EPHA7: variants seen among roughly 807,000 people sequenced by gnomAD.
EPHA7 encodes the protein ephrin type-A receptor 7.
A neutral mutation model predicts 112.6 loss-of-function variants in EPHA7; 25 were observed. That is an observed-to-expected ratio of 0.22 (90% CI 0.16 to 0.31). EPHA7 has a LOEUF of 0.31. Among genes scored for constraint, EPHA7 ranks in the 10% least tolerant of loss-of-function variants. The pLI, the probability that EPHA7 is intolerant of heterozygous loss-of-function variation, is 1.00. For missense variants in EPHA7, 962 were observed against 1,212.6 expected, an observed-to-expected ratio of 0.79 and a Z score of 3.07; for synonymous variants, 437 against 406.5, an observed-to-expected ratio of 1.07 and a Z score of -0.90.
rs1285704564 is a variant in EPHA7, at chr6:93,240,291, A to G, written c.*3135T>C. ...ATCAGTAATTTATTTGAACATGCACATCAGTGAGTAGCATAGTTCTAGGCT... is the reference window on the plus strand; with the variant it reads ...ATCAGTAATTTATTTGAACATGCACGTCAGTGAGTAGCATAGTTCTAGGCT... On this transcript the variant is annotated 3_prime_UTR_variant, in exon 17 of 17. Coordinates refer to ENST00000369303, the MANE Select transcript of EPHA7 (RefSeq NM_004440.4). The G allele has an allele frequency of 8.8e-6, 2 of 226,634 alleles. No individual in the cohort carries two copies. The highest frequency in any genetic ancestry group is 1.1e-4 in the Admixed American group (2 of 17,532). The allele number at this position is 226,634 out of a possible 1,614,324, so 14.0% of individuals were successfully genotyped here.
rs186595287 is a variant in EPHA7 at position 93,312,585 on chromosome 6, C to T, written c.1325-40163G>A. 1.4e-3 allele frequency among the ~76,000 whole-genome samples: 211 copies of T among 152,252 alleles called. 1 individual carries two copies. The highest frequency in any genetic ancestry group is 4.7e-3 in the African/African-American group (196 of 41,556). On this transcript the variant is annotated intron_variant, in intron 5 of 16. Transcript: ENST00000369303. Reference sequence around the variant, plus strand: ...TAGACCACTAAAACTTTCTCCATATCAGCAATAAGGCTGTTTCACTCTCTT... The same window carrying T: ...TAGACCACTAAAACTTTCTCCATATTAGCAATAAGGCTGTTTCACTCTCTT...
chr6:93,409,226 C>T (rs1385047234), intron 3 of EPHA7, among the ~76,000 whole-genome samples: 2 of 152,070 alleles, frequency 1.3e-5, no homozygotes, highest in Admixed American at 1.3e-4. Context: ...ACACTATGAG[C>T]CTTGAAACAG....
At chr6:93,281,642 T>C (rs1771743567) in intron 5 of EPHA7, among the ~76,000 whole-genome samples, 1 of 152,062 alleles carries the variant, frequency 6.6e-6, no homozygotes, top group Admixed American at 6.6e-5. Context: ...GTCATCAGAG[T>C]AACATTTTCA....
At chr6:93,387,254 G>A (rs568494382) in intron 3 of EPHA7, among the ~76,000 whole-genome samples, 2 of 152,142 alleles carry the variant, frequency 1.3e-5, no homozygotes, top group African/African-American at 4.8e-5. Context: ...TCTAGGGCAG[G>A]AGCAAAATGC....
At chr6:93,272,231 C>T in intron 6 of EPHA7, 67 bp downstream of exon 6, 2 of 1,582,470 alleles carry the variant, frequency 1.3e-6, no homozygotes, top group Non-Finnish European at 1.7e-6. Flanking sequence ...CAACTTTAGT[C>T]TACAATACAG....
In EPHA7 at chr6:93,246,983, A is replaced by G. The variant is rs1299216681; in HGVS notation, c.2535T>C (p.Val845=). 3 of 1,579,768 alleles carry G rather than the reference A, an allele frequency of 1.9e-6. No individual in the cohort carries two copies. In the African/African-American group the frequency reaches 4.0e-5, roughly 21 times the overall value. Residue 845 remains valine (V), a splice_region_variant and synonymous_variant, in exon 15 of 17, where the codon GTT becomes GTC. Coordinates refer to ENST00000369303, the MANE Select transcript of EPHA7 (RefSeq NM_004440.4). ...RPYWDMSNQD[V]IKAIEEGYRL... is the part of the protein sequence containing the mutation. ...GATAACCTTCTTCTATTGCTTTTAT[A>G]ACCTAATAGCCAAAAGGACATTACA...
chr6:93,417,696 G>T (rs944010852), intron 1 of EPHA7, among the ~76,000 whole-genome samples: 21 of 152,148 alleles, frequency 1.4e-4, no homozygotes, highest in African/African-American at 4.8e-4. Flanking sequence ...TGCCAGGGCT[G>T]AAGGTTTCTG....
Position 93,416,913 on chromosome 6 carries a change from G to C in EPHA7, c.98-2146C>G, listed in dbSNP as rs1048794960. Among the ~76,000 whole-genome samples the C allele has an allele frequency of 2.4e-3, 362 of 152,210 alleles. 6 individuals are homozygous for C. The highest frequency in any genetic ancestry group is 0.017 in the Admixed American group (259 of 15,296). ...GGGCGGGGCGGGGGCTGCCAGACGG[G>C]CGCGCCAGCCGCGCCAAGCATCCAT... On this transcript the variant is annotated intron_variant, in intron 1 of 16. Coordinates refer to ENST00000369303, the MANE Select transcript of EPHA7 (RefSeq NM_004440.4).
intron 5 of EPHA7, among the ~76,000 whole-genome samples, chr6:93,298,043 C>G (rs976895019): frequency 2.0e-5 from 3 of 152,034 alleles, no homozygotes; most frequent in Non-Finnish European, 4.4e-5. Flanking sequence ...ATATCAATAT[C>G]TGTGAAACAG....
chr6:93,386,629 G>T (rs1777620423), intron 3 of EPHA7, among the ~76,000 whole-genome samples: 1 of 152,154 alleles, frequency 6.6e-6, no homozygotes, highest in East Asian at 1.9e-4. Context: ...GAGTCTGTGT[G>T]GGAGCTCCAG....
intron 5 of EPHA7, among the ~76,000 whole-genome samples, chr6:93,294,522 T>C (rs1772553605): frequency 1.3e-5 from 2 of 152,258 alleles, no homozygotes; most frequent in South Asian, 2.1e-4. Flanking sequence ...AAGGGGAATG[T>C]TCCTTAACAC....
chr6:93,245,141 T>C (rs8180604), intron 16 of EPHA7, among the ~76,000 whole-genome samples, 157 bp downstream of exon 16: 10,400 of 152,300 alleles, frequency 0.068, 534 homozygotes, highest in Admixed American at 0.13. Flanking sequence ...CTATTTAGTA[T>C]AATGCCTGGT....
intron 5 of EPHA7, among the ~76,000 whole-genome samples, chr6:93,351,953 G>A (rs1275478412): frequency 6.6e-6 from 1 of 152,082 alleles, no homozygotes; most frequent in East Asian, 1.9e-4. Context: ...CTAGTATAAA[G>A]AGGTGAAGTA....
In EPHA7 at chr6:93,360,677, G is replaced by A. The variant is rs530403485; in HGVS notation, c.833-2266C>T. ...CCTTGCTCAACTTACATGATTTCAA[G>A]AATCTATATGATACTAATGCAGAGA... is the stretch of plus-strand genomic sequence containing the variant. On this transcript the variant is annotated intron_variant, in intron 3 of 16. Coordinates refer to ENST00000369303, the MANE Select transcript of EPHA7 (RefSeq NM_004440.4). Among the ~76,000 whole-genome samples the A allele has an allele frequency of 2.6e-5, 4 of 152,142 alleles. No individual in the cohort carries two copies. The East Asian group carries it at 7.7e-4, about 29-fold the overall frequency.
chr6:93,381,061 G>A (rs2127970901), intron 3 of EPHA7, among the ~76,000 whole-genome samples: 1 of 152,158 alleles, frequency 6.6e-6, no homozygotes, highest in African/African-American at 2.4e-5. Context: ...TATCTTCTAT[G>A]AAAATAATAA....
At chr6:93,262,587 G>A (rs973697600) in intron 9 of EPHA7, among the ~76,000 whole-genome samples, 10 of 151,184 alleles carry the variant, frequency 6.6e-5, no homozygotes, top group Admixed American at 1.3e-4. Context: ...AGCCACTTCC[G>A]GGCATACATT....
intron 5 of EPHA7, among the ~76,000 whole-genome samples, chr6:93,331,285 C>T (rs1440018475): frequency 6.6e-6 from 1 of 151,360 alleles, no homozygotes; most frequent in African/African-American, 2.4e-5. Flanking sequence ...TATATAGTCA[C>T]ACCACTATAA....
chr6:93,288,401 G>A (rs1772182237), intron 5 of EPHA7, among the ~76,000 whole-genome samples: 1 of 152,132 alleles, frequency 6.6e-6, no homozygotes, highest in South Asian at 2.1e-4. Context: ...AGGTCTAGGG[G>A]TGAGAATGGG....
At position 93,258,083 on chromosome 6, in the gene EPHA7, T is replaced by A; in HGVS notation, c.2110+16A>T. On this transcript the variant is annotated intron_variant, in intron 11 of 16. Coordinates refer to ENST00000369303, the MANE Select transcript of EPHA7 (RefSeq NM_004440.4). ...CTCAGTCTTTTTGATAAAATAAAGA[T>A]ATAACCAATATCTACCTCTTGTAAC... 6.2e-7 allele frequency: 1 copy of A among 1,605,580 alleles called. No individual in the cohort carries two copies. Among genetic ancestry groups the A allele is most frequent in the Non-Finnish European group, 8.5e-7 (1 of 1,174,422 alleles).
Sources: gnomAD v4.1 joint callset for allele counts (sites outside exome capture counted in the v4.1 genomes callset) on GRCh38, gnomAD v4.1.1 for gene constraint, MANE v1.5 for transcripts, NCBI Gene and HGNC (gene_info 2026-07-23, HGNC 2026-07-21) for gene names.